Variants in ITPR1 observed in about 807,000 individuals in gnomAD.
ITPR1 encodes inositol 1,4,5-trisphosphate receptor type 1, also known as inositol 1,4,5-trisphosphate-gated calcium channel ITPR1.
Under a neutral mutation model 318.4 loss-of-function variants are expected in ITPR1, and 96 were observed. The observed-to-expected ratio is 0.30, with a 90% CI of 0.26 to 0.36. ITPR1 has a LOEUF of 0.36. ITPR1 is among the 10% of genes least tolerant of loss of function. The pLI is 1.00. For synonymous variants in ITPR1, 1,312 were observed against 1,289.9 expected, an observed-to-expected ratio of 1.02 and a Z score of -0.37; for missense variants, 2,440 against 3,460.2, an observed-to-expected ratio of 0.71 and a Z score of 7.40.
At chr3:4,795,284 TG>T in intron 53 of ITPR1, 97 bp downstream of exon 53, 4 of 1,147,436 alleles carry the variant, frequency 3.5e-6, no homozygotes, top group Non-Finnish European at 4.8e-6. Flanking sequence ...GGTGCAGTAC[TG>T]GGGATCCCAG....
chr3:4,648,206 G>A (rs1435607314), intron 10 of ITPR1, among the ~76,000 whole-genome samples: 1 of 151,506 alleles, frequency 6.6e-6, no homozygotes, highest in Non-Finnish European at 1.5e-5. Context: ...AGTTTCCACA[G>A]TTATGATAAA....
intron 44 of ITPR1, among the ~76,000 whole-genome samples, chr3:4,755,113 A>G (rs1171329290): frequency 2.0e-5 from 3 of 151,662 alleles, no homozygotes; most frequent in African/African-American, 7.3e-5. Context: ...TGCTGGAAAC[A>G]GTGGTTGCCA....
At chr3:4,752,377 C>A (rs144290129) in intron 44 of ITPR1, among the ~76,000 whole-genome samples, 849 of 152,204 alleles carry the variant, frequency 5.6e-3, no homozygotes, top group Middle Eastern at 0.01. Context: ...TCACTGGGGC[C>A]GGGGTAGTTA....
At position 4,699,908 on chromosome 3, in the gene ITPR1, C is replaced by A; in HGVS notation, c.4503C>A (p.Ser1501Arg). ...TGAGTATTGTTACTACTTTCTTCAG[C>A]TCTCCCTTCTCAGACCAGAGTACGA... Reference protein sequence around the residue: ...IVMSIVTTFFSSPFSDQSTTL... With the variant: ...IVMSIVTTFFRSPFSDQSTTL... Residue 1501 changes from serine to arginine, a missense_variant, in exon 35 of 62, where the codon AGC (serine) becomes AGA (arginine). Transcript: ENST00000649015. The A allele has an allele frequency of 6.2e-7, 1 of 1,613,810 alleles. No homozygotes were observed. The highest frequency in any genetic ancestry group is 8.5e-7 in the Non-Finnish European group (1 of 1,179,704).
intron 40 of ITPR1, among the ~76,000 whole-genome samples, chr3:4,722,964 C>T (rs1294380856): frequency 1.3e-5 from 2 of 152,212 alleles, no homozygotes; most frequent in Non-Finnish European, 2.9e-5. Context: ...GCCAGGCCCA[C>T]ATGGTGAAAC....
intron 44 of ITPR1, among the ~76,000 whole-genome samples, chr3:4,748,330 G>A (rs936278802): frequency 1.6e-4 from 24 of 152,278 alleles, no homozygotes; most frequent in African/African-American, 5.3e-4. Flanking sequence ...TCTTGTTTTC[G>A]TTTGGGGTGG....
At chr3:4,622,397 G>A (rs2092674663) in intron 4 of ITPR1, among the ~76,000 whole-genome samples, 1 of 151,496 alleles carries the variant, frequency 6.6e-6, no homozygotes, top group Non-Finnish European at 1.5e-5. Context: ...ACAGGCATAA[G>A]CCACTGCGGC....
intron 2 of ITPR1, among the ~76,000 whole-genome samples, chr3:4,505,729 G>T (rs1420398442): frequency 6.6e-6 from 1 of 152,174 alleles, no homozygotes; most frequent in African/African-American, 2.4e-5. Flanking sequence ...GAGGATAGAC[G>T]CAAAGGGTGC....
chr3:4,757,124 G>A (rs1407488327), intron 44 of ITPR1, among the ~76,000 whole-genome samples: 1 of 152,156 alleles, frequency 6.6e-6, no homozygotes, highest in Non-Finnish European at 1.5e-5. Context: ...AGGCCAAAAT[G>A]TAGGTTTCCC....
chr3:4,790,770 G>A (rs556973300), intron 52 of ITPR1, among the ~76,000 whole-genome samples: 15 of 152,196 alleles, frequency 9.9e-5, no homozygotes, highest in Non-Finnish European at 1.5e-5. Context: ...TGAGACTGAT[G>A]GGGCTTAGTA....
Position 4,657,094 on chromosome 3 carries a change from A to C in ITPR1, c.997-1030A>C, listed in dbSNP as rs990148036. Among the ~76,000 whole-genome samples, 38 of 152,146 alleles carry C rather than the reference A, an allele frequency of 2.5e-4. 1 individual carries two copies. The highest frequency in any genetic ancestry group is 2.0e-3 in the Admixed American group (30 of 15,284). On this transcript the variant is annotated intron_variant, in intron 12 of 61. Coordinates refer to ENST00000649015, the MANE Select transcript of ITPR1 (RefSeq NM_001378452.1). ...AGCCAAATCCCTGATGTCTCAGGAG[A>C]GGCCCGTCTTCCCTGACCTGTCATC...
chr3:4,805,331 A>G (rs1305635014), intron 54 of ITPR1, among the ~76,000 whole-genome samples: 2 of 152,160 alleles, frequency 1.3e-5, no homozygotes, highest in Non-Finnish European at 2.9e-5. Flanking sequence ...GGTCAGTGGG[A>G]AAGAACAAAA....
chr3:4,568,832 G>A (rs2087672969), intron 4 of ITPR1, among the ~76,000 whole-genome samples: 1 of 152,136 alleles, frequency 6.6e-6, no homozygotes, highest in South Asian at 2.1e-4. Context: ...CACTGAGACT[G>A]GGCAATTTAT....
At chr3:4,694,497 G>T (rs1229581433) in intron 33 of ITPR1, among the ~76,000 whole-genome samples, 2 of 152,036 alleles carry the variant, frequency 1.3e-5, no homozygotes, top group African/African-American at 4.8e-5. Flanking sequence ...TAGTGGTGGG[G>T]ATATCTTTTG....
At chr3:4,720,343 G>A (rs1054625313) in intron 40 of ITPR1, among the ~76,000 whole-genome samples, 1 of 152,352 alleles carries the variant, frequency 6.6e-6, no homozygotes, top group East Asian at 1.9e-4. Context: ...AGGCCAGGTA[G>A]CGGCTTAGGA....
intron 12 of ITPR1, among the ~76,000 whole-genome samples, chr3:4,654,504 A>T (rs2093662575): frequency 6.6e-6 from 1 of 152,226 alleles, no homozygotes; most frequent in Admixed American, 6.5e-5. Context: ...TCAGGTGTCC[A>T]CATTTATGGG....
At chr3:4,698,815 A>C (rs1298015824) in intron 34 of ITPR1, among the ~76,000 whole-genome samples, 2 of 152,172 alleles carry the variant, frequency 1.3e-5, no homozygotes, top group African/African-American at 4.8e-5. Context: ...AAGCAATTTT[A>C]TCTCTTAAAT....
At chr3:4,831,424 C>G (rs773532992) in intron 60 of ITPR1, 9 of 170,516 alleles carry the variant, frequency 5.3e-5, no homozygotes, top group African/African-American at 9.4e-5. Flanking sequence ...GCAGACAGTG[C>G]CTAATGACAT....
intron 44 of ITPR1, among the ~76,000 whole-genome samples, chr3:4,756,426 C>T (rs1411832054): frequency 6.6e-6 from 1 of 152,042 alleles, no homozygotes; most frequent in African/African-American, 2.4e-5. Flanking sequence ...ATTTCATCAC[C>T]CAGGTACTAA....
Sources: gnomAD v4.1 joint callset for allele counts (sites outside exome capture counted in the v4.1 genomes callset) on GRCh38, gnomAD v4.1.1 for gene constraint, MANE v1.5 for transcripts, NCBI Gene and HGNC (gene_info 2026-07-23, HGNC 2026-07-21) for gene names.